NKAIN3: variants seen among roughly 807,000 people sequenced by gnomAD.
NKAIN3 encodes the protein sodium/potassium-transporting ATPase subunit beta-1-interacting protein 3.
NKAIN3 carries 25 observed loss-of-function variants against 30.2 expected under a neutral mutation model. The ratio of observed to expected loss-of-function variants is 0.83; its 90% CI spans 0.60 to 1.16. NKAIN3 has a LOEUF of 1.16. NKAIN3 is among the 50% of genes most tolerant of loss of function. NKAIN3 has a pLI of 0.00. For synonymous variants in NKAIN3, 91 were observed against 89.6 expected (o/e 1.02, Z -0.09); for missense variants, 225 against 254.1 (o/e 0.89, Z 0.78).
chr8:62,939,045 C>T (rs1173905164), intron 5 of NKAIN3, among the ~76,000 whole-genome samples: 1 of 151,998 alleles, frequency 6.6e-6, no homozygotes, highest in East Asian at 1.9e-4. Context: ...AAATAGAAAG[C>T]ACAAATTTTA....
chr8:62,429,143 G>A (rs367807600), intron 1 of NKAIN3, among the ~76,000 whole-genome samples: 2 of 151,862 alleles, frequency 1.3e-5, no homozygotes, highest in African/African-American at 4.8e-5. Flanking sequence ...GGCTGTAAAT[G>A]TCTAATTGCT....
chr8:62,930,957 T>G (rs929061779), intron 5 of NKAIN3, among the ~76,000 whole-genome samples: 1 of 152,156 alleles, frequency 6.6e-6, no homozygotes, highest in East Asian at 1.9e-4. Context: ...TCCTCCCACC[T>G]TGGCCTCCCA....
intron 1 of NKAIN3, among the ~76,000 whole-genome samples, chr8:62,476,293 A>G (rs1385243656): frequency 2.0e-5 from 3 of 152,182 alleles, no homozygotes; most frequent in African/African-American, 7.2e-5. Flanking sequence ...ATTCAGATAG[A>G]ATTTAGAAGA....
chr8:62,635,749 T>C (rs975605056), intron 3 of NKAIN3, among the ~76,000 whole-genome samples: 1 of 152,144 alleles, frequency 6.6e-6, no homozygotes, highest in Non-Finnish European at 1.5e-5. Flanking sequence ...TCTTGGACTT[T>C]CCAACCTCCA....
At position 62,838,632 on chromosome 8, in the gene NKAIN3, T is replaced by C. The variant is rs780055090; in HGVS notation, c.472-79821T>C. Among the ~76,000 whole-genome samples, 6 of 152,104 alleles carry C rather than the reference T, an allele frequency of 3.9e-5. No homozygotes were observed. The East Asian group carries it at 5.8e-4, about 15-fold the overall frequency. On this transcript the variant is annotated intron_variant, in intron 4 of 6. Coordinates refer to ENST00000623646, the MANE Select transcript of NKAIN3 (RefSeq NM_001304533.3). ...GGGATATTGGTTGATGAGGGACTTA[T>C]TGACTCCATATACGGAAGCCTTTTG...
At chr8:62,337,592 C>T (rs775415914) in intron 1 of NKAIN3, among the ~76,000 whole-genome samples, 11 of 115,474 alleles carry the variant, frequency 9.5e-5, no homozygotes, top group Admixed American at 1.8e-4. Flanking sequence ...TATAACACAA[C>T]ACACATAACA....
rs1028540651 is a variant in NKAIN3 at position 62,789,858 on chromosome 8, T to G, written c.471+42729T>G. Among the ~76,000 whole-genome samples, 9 of 152,084 alleles carry G rather than the reference T, an allele frequency of 5.9e-5. No homozygotes were observed. The East Asian group carries it at 1.5e-3, about 26-fold the overall frequency. On this transcript the variant is annotated intron_variant, in intron 4 of 6. Coordinates refer to ENST00000623646, the MANE Select transcript of NKAIN3 (RefSeq NM_001304533.3). ...CAAAAAAAGTCCAAGGCCAGATGGA[T>G]TCACAGCCGAATTCTACCAGAGGTA...
chr8:62,504,305 T>C (rs1330849988), intron 1 of NKAIN3, among the ~76,000 whole-genome samples: 1 of 152,204 alleles, frequency 6.6e-6, no homozygotes, highest in Non-Finnish European at 1.5e-5. Context: ...AAAACCTACT[T>C]TGCAGAATAA....
intron 5 of NKAIN3, among the ~76,000 whole-genome samples, chr8:62,935,651 GAGAA>G (rs1373005262): frequency 2.4e-4 from 37 of 152,062 alleles, no homozygotes; most frequent in Non-Finnish European, 4.4e-5. Context: ...TATACATAGA[GAGAA>G]AGAGAGACGT....
intron 1 of NKAIN3, among the ~76,000 whole-genome samples, chr8:62,502,881 C>A (rs1192947619): frequency 6.6e-6 from 1 of 152,140 alleles, no homozygotes; most frequent in Non-Finnish European, 1.5e-5. Flanking sequence ...AGATCTCTGG[C>A]TCTTAGTTGC....
chr8:62,801,112 G>A (rs952452085), intron 4 of NKAIN3, among the ~76,000 whole-genome samples: 1 of 152,220 alleles, frequency 6.6e-6, no homozygotes, highest in South Asian at 2.1e-4. Context: ...AAAGAAGCCG[G>A]GAAGCTCCAA....
At chr8:62,370,799 A>G (rs886547066) in intron 1 of NKAIN3, among the ~76,000 whole-genome samples, 12 of 152,004 alleles carry the variant, frequency 7.9e-5, no homozygotes, top group Admixed American at 5.9e-4. Flanking sequence ...ATCATTTTCT[A>G]TGACTGGACT....
chr8:62,543,922 G>A (rs1166003823), intron 1 of NKAIN3, among the ~76,000 whole-genome samples: 1 of 151,998 alleles, frequency 6.6e-6, no homozygotes, highest in Non-Finnish European at 1.5e-5. Context: ...TTTTTAACTG[G>A]AGTAAAATAA....
intron 4 of NKAIN3, among the ~76,000 whole-genome samples, chr8:62,906,646 A>G (rs752083516): frequency 7.9e-5 from 12 of 152,162 alleles, no homozygotes; most frequent in Non-Finnish European, 1.5e-4. Context: ...GTGATAGTGA[A>G]TAAGTCTCAT....
chr8:62,777,669 C>T (rs1167207826), intron 4 of NKAIN3, among the ~76,000 whole-genome samples: 4 of 152,106 alleles, frequency 2.6e-5, no homozygotes, highest in Admixed American at 6.6e-5. Flanking sequence ...AGGTTACATA[C>T]GTCTGTCTCT....
chr8:62,803,158 A>G (rs1052332528), intron 4 of NKAIN3, among the ~76,000 whole-genome samples: 14 of 152,254 alleles, frequency 9.2e-5, no homozygotes, highest in Admixed American at 6.5e-4. Context: ...CCCACACAAT[A>G]ATAATGGGAG....
intron 1 of NKAIN3, among the ~76,000 whole-genome samples, chr8:62,346,977 A>G (rs1464173990): frequency 6.6e-6 from 1 of 152,072 alleles, no homozygotes; most frequent in African/African-American, 2.4e-5. Flanking sequence ...TTTAAACAGG[A>G]GAACTGAGGA....
rs1389583758 is a variant in NKAIN3, at chr8:62,855,772, G to A, written c.472-62681G>A. 17 of 1,139,178 alleles carry A rather than the reference G, an allele frequency of 1.5e-5. No individual in the cohort carries two copies. In the Admixed American group the frequency reaches 2.6e-4, roughly 17 times the overall value. 70.6% of individuals were successfully genotyped at this position (1,139,178 alleles called of 1,614,324 possible). A position where few individuals can be genotyped will look rare whatever the true frequency, so the allele number is the denominator to read the frequency against. ...GAGTTGCCATGACTTTCAGTAAAGG[G>A]CATCTTCCTTTTATCATCAGCAAAG... On this transcript the variant is annotated intron_variant, in intron 4 of 6. Transcript: ENST00000623646.
Position 62,977,338 on chromosome 8 carries a change from C to T in NKAIN3, c.*11931C>T, listed in dbSNP as rs1022915446. Among the ~76,000 whole-genome samples, 2 of 152,134 alleles carry T rather than the reference C, an allele frequency of 1.3e-5. No homozygotes were observed. Among genetic ancestry groups the T allele is most frequent in the Non-Finnish European group, 2.9e-5 (2 of 68,044 alleles). ...ATCACTTTTAGGTACACCAATCAAA[C>T]GTTGGCTTGGTCTTTTCACATAGTC... On this transcript the variant is annotated 3_prime_UTR_variant, in exon 7 of 7. Coordinates refer to ENST00000623646, the MANE Select transcript of NKAIN3 (RefSeq NM_001304533.3).
Sources: gnomAD v4.1 joint callset for allele counts (sites outside exome capture counted in the v4.1 genomes callset) on GRCh38, gnomAD v4.1.1 for gene constraint, MANE v1.5 for transcripts, NCBI Gene and HGNC (gene_info 2026-07-23, HGNC 2026-07-21) for gene names.